Variants in DISP1 observed in about 807,000 individuals in gnomAD.
DISP1 encodes dispatched RND transporter family member 1.
A neutral mutation model predicts 37.3 loss-of-function variants in DISP1; 30 were observed. The ratio of observed to expected loss-of-function variants is 0.80; its 90% CI spans 0.60 to 1.09. DISP1 has a LOEUF of 1.09. DISP1 is among the 50% of genes least tolerant of loss of function. The pLI is 0.00. For missense variants in DISP1, 1,598 were observed against 1,879.5 expected (o/e 0.85, Z 2.77); for synonymous variants, 634 against 690.2 (o/e 0.92, Z 1.28).
intron 4 of DISP1, among the ~76,000 whole-genome samples, chr1:222,984,033 A>C (rs1344425032): frequency 1.3e-5 from 2 of 152,202 alleles, no homozygotes; most frequent in African/African-American, 4.8e-5. Flanking sequence ...CTGTCTTTGA[A>C]GTGAAATTAC....
At chr1:222,957,140 T>A in intron 3 of DISP1, among the ~76,000 whole-genome samples, 1 of 120,854 alleles carries the variant, frequency 8.3e-6, no homozygotes, top group Non-Finnish European at 1.7e-5. Flanking sequence ...TTTTCTTTAC[T>A]ATTGTAAAAA....
In DISP1 at chr1:223,004,501, ATG is replaced by A. The variant is rs1487762286; in HGVS notation, c.3108_3109del (p.Leu1037GlyfsTer110). 3 of 1,614,030 alleles carry A rather than the reference ATG, an allele frequency of 1.9e-6. No homozygotes were observed. The highest frequency in any genetic ancestry group is 1.7e-5 in the Admixed American group (1 of 60,010). On this transcript the variant is annotated frameshift_variant, in exon 9 of 9. Coordinates refer to ENST00000675850, the MANE Select transcript of DISP1 (RefSeq NM_001377229.1). LOFTEE classifies it low-confidence loss of function (END_TRUNC). This position sits in a 1 kb window ranked among gnomAD's most constrained non-coding sequence, Gnocchi z 4.9. The stretch of plus-strand genomic sequence containing the variant: ...CTTGTCCTGCTGGGCTGGGAGCTCA[ATG>A]TGTTGGAATCTGTCACCATTTCGGT...
At chr1:222,921,331 T>C (rs1369378992) in intron 1 of DISP1, among the ~76,000 whole-genome samples, 1 of 152,048 alleles carries the variant, frequency 6.6e-6, no homozygotes, top group Admixed American at 6.6e-5. Context: ...AGAAAAAAAG[T>C]AATTGGCAAT....
At chr1:222,846,158 C>G (rs1201000442) in intron 1 of DISP1, among the ~76,000 whole-genome samples, 2 of 152,030 alleles carry the variant, frequency 1.3e-5, no homozygotes, top group Admixed American at 1.3e-4. Context: ...AATGTTTGCA[C>G]AGAGAGACAA....
In DISP1 at chr1:222,836,760, T is replaced by A. The variant is rs61839597; in HGVS notation, c.-159+21682T>A. Among the ~76,000 whole-genome samples, 652 of 148,236 alleles carry A rather than the reference T, an allele frequency of 4.4e-3. 3 individuals are homozygous for A. The highest frequency in any genetic ancestry group is 0.016 in the African/African-American group (616 of 39,336). The stretch of plus-strand genomic sequence containing the variant: ...TAAAAAGAATATATATATATATATA[T>A]ATACACACACACACACACACACCTA... On this transcript the variant is annotated intron_variant, in intron 1 of 8. Transcript: ENST00000675850.
At chr1:222,972,055 C>T (rs966963282) in intron 3 of DISP1, among the ~76,000 whole-genome samples, 5 of 152,070 alleles carry the variant, frequency 3.3e-5, no homozygotes, top group Non-Finnish European at 5.9e-5. Flanking sequence ...TCACTAACTT[C>T]ACTTCAGTAG....
At chr1:222,867,384 C>T (rs1669256800) in intron 1 of DISP1, among the ~76,000 whole-genome samples, 2 of 152,152 alleles carry the variant, frequency 1.3e-5, no homozygotes, top group South Asian at 2.1e-4. Context: ...TTTGTCTGTA[C>T]ATAGGTAATT....
chr1:222,849,335 A>G (rs901377540), intron 1 of DISP1, among the ~76,000 whole-genome samples: 50 of 152,174 alleles, frequency 3.3e-4, no homozygotes, highest in African/African-American at 1.2e-3. Flanking sequence ...TTTTTGCGCA[A>G]ATAACCATGT....
intron 2 of DISP1, among the ~76,000 whole-genome samples, chr1:222,937,044 TTA>T (rs1295184766): frequency 1.8e-5 from 2 of 113,036 alleles, no homozygotes; most frequent in East Asian, 2.3e-4. Context: ...ATATAATATA[TTA>T]TATATAATAT....
intron 1 of DISP1, among the ~76,000 whole-genome samples, chr1:222,850,004 A>G (rs1233223237): frequency 6.6e-6 from 1 of 152,124 alleles, no homozygotes; most frequent in African/African-American, 2.4e-5. Context: ...CTTTGTTTAA[A>G]TCCTAACTTT....
chr1:222,895,909 CAAGATTTTTTAAAAAGCCTATTCAT>C (rs1671225456), intron 1 of DISP1, among the ~76,000 whole-genome samples: 1 of 152,040 alleles, frequency 6.6e-6, no homozygotes, highest in Admixed American at 6.5e-5. Flanking sequence ...AAAGATTTCT[CAAGATTTTTTAAAAAGCCTATTCAT>C]AAGATTTTTT....
At chr1:222,976,909 G>A (rs960664839) in intron 3 of DISP1, among the ~76,000 whole-genome samples, 1 of 144,186 alleles carries the variant, frequency 6.9e-6, no homozygotes, top group African/African-American at 2.6e-5. Flanking sequence ...GTGAAAAAAT[G>A]GGATTGAAAA....
intron 1 of DISP1, among the ~76,000 whole-genome samples, chr1:222,886,934 G>A (rs1029318522): frequency 6.6e-6 from 1 of 152,162 alleles, no homozygotes; most frequent in Non-Finnish European, 1.5e-5. Flanking sequence ...TTCCTAGTTT[G>A]ATGTCATGCA....
chr1:223,004,607 C>G lies in DISP1; in HGVS notation c.3210C>G (p.Gly1070=). The G allele has an allele frequency of 6.2e-7, 1 of 1,614,098 alleles. No homozygotes were observed. Among genetic ancestry groups the G allele is most frequent in the Non-Finnish European group, 8.5e-7 (1 of 1,179,958 alleles). The change falls in exon 9 of 9, where the codon GGC becomes GGG. Residue 1070 remains glycine (G), a synonymous_variant. Coordinates refer to ENST00000675850, the MANE Select transcript of DISP1 (RefSeq NM_001377229.1). The surrounding 1 kb of genome is among the most constrained non-coding windows in gnomAD (Gnocchi z 4.9). ...TGGCTCCAGATCCCGACCGAGAAGGCAAAGTGATCTTCTCTCTGAGTCGCG... is the reference window on the plus strand; with the variant it reads ...TGGCTCCAGATCCCGACCGAGAAGGGAAAGTGATCTTCTCTCTGAGTCGCG... ...YRLAPDPDRE[G]KVIFSLSRVG...
intron 1 of DISP1, among the ~76,000 whole-genome samples, chr1:222,878,663 C>T (rs1284649577): frequency 6.6e-6 from 1 of 152,112 alleles, no homozygotes. Context: ...AAAATATTCT[C>T]AATATAGGTG....
At chr1:222,957,268 A>G (rs544375052) in intron 3 of DISP1, among the ~76,000 whole-genome samples, 1 of 152,018 alleles carries the variant, frequency 6.6e-6, no homozygotes, top group Non-Finnish European at 1.5e-5. Flanking sequence ...TCCCCCTGAT[A>G]AGTGGCAGAG....
chr1:222,955,098 T>TTA (rs962728823), intron 3 of DISP1, among the ~76,000 whole-genome samples: 1 of 151,730 alleles, frequency 6.6e-6, no homozygotes, highest in Non-Finnish European at 1.5e-5. Context: ...TAAAGCTTTT[T>TTA]TTTTTTTGGA....
intron 3 of DISP1, among the ~76,000 whole-genome samples, chr1:222,969,956 T>A (rs996008801): frequency 4.6e-5 from 7 of 152,100 alleles, no homozygotes; most frequent in African/African-American, 1.7e-4. Context: ...TATTTTAGAA[T>A]AGACAAAACA....
intron 1 of DISP1, chr1:222,872,531 A>G (rs1208122973): frequency 6.6e-6 from 1 of 152,050 alleles, no homozygotes; most frequent in Non-Finnish European, 1.5e-5. Flanking sequence ...GTATGTATCC[A>G]TTTCTTCTAG....
Sources: gnomAD v4.1 joint callset for allele counts (sites outside exome capture counted in the v4.1 genomes callset) on GRCh38, gnomAD v4.1.1 for gene constraint, Gnocchi (gnomAD v3.1) non-coding constraint, MANE v1.5 for transcripts, NCBI Gene and HGNC (gene_info 2026-07-23, HGNC 2026-07-21) for gene names.